The following CDC14A variants were observed in gnomAD, a reference collection of about 807,000 sequenced individuals.
CDC14A encodes the protein dual specificity protein phosphatase CDC14A.
In CDC14A, 53 loss-of-function variants were observed where a neutral mutation model predicts 74.4. The observed-to-expected ratio is 0.71, with a 90% CI of 0.57 to 0.89. CDC14A has a LOEUF of 0.89. Ranked by LOEUF, CDC14A falls within the 40% of genes least tolerant of loss-of-function variation. The pLI is 0.00. For missense variants in CDC14A, 646 were observed against 713.7 expected (o/e 0.91, Z 1.08); for synonymous variants, 247 against 258.4 (o/e 0.96, Z 0.43).
At chr1:100,359,940 T>C (rs1158621775) in intron 2 of CDC14A, among the ~76,000 whole-genome samples, 1 of 146,196 alleles carries the variant, frequency 6.8e-6, no homozygotes, top group Non-Finnish European at 1.5e-5. Context: ...TTTTTCACCT[T>C]CTTCTTTTTT....
chr1:100,505,452 G>C (rs1649150360), intron 15 of CDC14A, among the ~76,000 whole-genome samples: 1 of 152,180 alleles, frequency 6.6e-6, no homozygotes, highest in Non-Finnish European at 1.5e-5. Flanking sequence ...CTTAAAGTAG[G>C]ACCTGGAATG....
At chr1:100,515,805 C>T (rs12752322) in intron 15 of CDC14A, among the ~76,000 whole-genome samples, 2,216 of 152,288 alleles carry the variant, frequency 0.015, 24 homozygotes, top group Non-Finnish European at 0.023. Context: ...ATTTCACTTT[C>T]CTTTATACCA....
At chr1:100,380,417 A>G (rs540067700) in intron 3 of CDC14A, among the ~76,000 whole-genome samples, 97 of 152,260 alleles carry the variant, frequency 6.4e-4, no homozygotes, top group African/African-American at 2.3e-3. Flanking sequence ...GCATTGCCCC[A>G]GCTACCTGAC....
chr1:100,351,679 G>T, upstream of CDC14A: 3 of 1,452,472 alleles, frequency 2.1e-6, no homozygotes, highest in East Asian at 4.9e-5. Flanking sequence ...TCCGGGACCG[G>T]AGCACTGTAA....
rs145361429 is a variant in CDC14A at position 100,356,464 on chromosome 1, A to G, written c.140+2612A>G. 3.1e-3 allele frequency among the ~76,000 whole-genome samples: 467 copies of G among 149,688 alleles called. 3 individuals are homozygous for G. The highest frequency in any genetic ancestry group is 0.011 in the African/African-American group (444 of 39,082). On this transcript the variant is annotated intron_variant, in intron 2 of 15. Transcript: ENST00000336454. ...AGTAGCAGAGCTGGAGTTTGAAACCAAGTCATCTAGTTGCAGAGGACATAT... is the reference window on the plus strand; with the variant it reads ...AGTAGCAGAGCTGGAGTTTGAAACCGAGTCATCTAGTTGCAGAGGACATAT...
chr1:100,394,786 G>A (rs537527792), intron 4 of CDC14A, among the ~76,000 whole-genome samples: 4 of 152,112 alleles, frequency 2.6e-5, no homozygotes, highest in Admixed American at 1.3e-4. Context: ...TAATACACAC[G>A]GAACTAAAAA....
At chr1:100,411,037 A>G (rs966131973) in intron 4 of CDC14A, among the ~76,000 whole-genome samples, 1 of 152,158 alleles carries the variant, frequency 6.6e-6, no homozygotes, top group African/African-American at 2.4e-5. Flanking sequence ...GTTCAGTTAT[A>G]GGAACCGATA....
intron 2 of CDC14A, among the ~76,000 whole-genome samples, chr1:100,372,719 C>T (rs918247930): frequency 2.0e-5 from 3 of 152,308 alleles, no homozygotes; most frequent in East Asian, 3.9e-4. Context: ...CATTCATGAG[C>T]GTTGGAATCA....
intron 2 of CDC14A, among the ~76,000 whole-genome samples, chr1:100,366,768 T>A (rs1182685472): frequency 6.6e-6 from 1 of 152,224 alleles, no homozygotes; most frequent in Non-Finnish European, 1.5e-5. Flanking sequence ...GGTTTGATTT[T>A]AGCTATTTAC....
At chr1:100,459,101 G>GCACACACACACA (rs545033793) in intron 8 of CDC14A, among the ~76,000 whole-genome samples, 2 of 143,690 alleles carry the variant, frequency 1.4e-5, no homozygotes, top group African/African-American at 5.3e-5. Flanking sequence ...ACACACACAC[G>GCACACACACACA]CACACACACA....
At chr1:100,399,962 A>G (rs1219325837) in intron 4 of CDC14A, among the ~76,000 whole-genome samples, 1 of 152,246 alleles carries the variant, frequency 6.6e-6, no homozygotes, top group Admixed American at 6.5e-5. Context: ...AAAATTAGGA[A>G]GTCCATAGAC....
At chr1:100,360,227 C>G (rs113930248) in intron 2 of CDC14A, among the ~76,000 whole-genome samples, 1 of 151,274 alleles carries the variant, frequency 6.6e-6, no homozygotes, top group Non-Finnish European at 1.5e-5. Flanking sequence ...GCTAGGATTA[C>G]AGGCATGAGC....
chr1:100,414,725 G>A (rs936096634), intron 4 of CDC14A, among the ~76,000 whole-genome samples: 6 of 152,012 alleles, frequency 3.9e-5, no homozygotes, highest in African/African-American at 1.5e-4. Flanking sequence ...TTTATATAAG[G>A]ACTACCTTTT....
At chr1:100,366,723 A>G (rs888061686) in intron 2 of CDC14A, among the ~76,000 whole-genome samples, 1 of 152,086 alleles carries the variant, frequency 6.6e-6, no homozygotes, top group Non-Finnish European at 1.5e-5. Flanking sequence ...AAATGCTCCA[A>G]TTCTTTTAGT....
chr1:100,454,922 C>G (rs1683382793), intron 7 of CDC14A, among the ~76,000 whole-genome samples: 1 of 151,964 alleles, frequency 6.6e-6, no homozygotes, highest in Admixed American at 6.6e-5. Flanking sequence ...CCATTTCCCC[C>G]TCTAAAAATC....
upstream of CDC14A, among the ~76,000 whole-genome samples, chr1:100,351,050 CG>C (rs1251226183): frequency 6.6e-6 from 1 of 152,026 alleles, no homozygotes; most frequent in East Asian, 1.9e-4. Flanking sequence ...AAAAATTAGC[CG>C]GGTGTGGTGG....
intron 4 of CDC14A, among the ~76,000 whole-genome samples, chr1:100,405,594 C>G (rs1047504843): frequency 6.6e-6 from 1 of 152,148 alleles, no homozygotes; most frequent in Non-Finnish European, 1.5e-5. Context: ...GTGTTCTCAT[C>G]GTTTAGCTCC....
chr1:100,388,206 G>A (rs1657142591), intron 3 of CDC14A, among the ~76,000 whole-genome samples: 1 of 152,192 alleles, frequency 6.6e-6, no homozygotes, highest in South Asian at 2.1e-4. Flanking sequence ...GCAGTATTTA[G>A]ATATTTGCAA....
intron 15 of CDC14A, among the ~76,000 whole-genome samples, chr1:100,509,312 C>G (rs199935231): frequency 1.3e-5 from 2 of 152,308 alleles, no homozygotes; most frequent in East Asian, 3.9e-4. Flanking sequence ...TGGTTATTGG[C>G]CTTCCTCATC....
Sources: allele counts gnomAD v4.1 joint callset (sites outside exome capture counted in the v4.1 genomes callset), GRCh38; gene constraint gnomAD v4.1.1; transcripts MANE v1.5; gene names NCBI Gene and HGNC (gene_info 2026-07-23, HGNC 2026-07-21).